RAD51B: variants seen among roughly 807,000 people sequenced by gnomAD.
RAD51B encodes DNA repair protein RAD51 homolog 2.
RAD51B carries 38 observed loss-of-function variants against 42.2 expected under a neutral mutation model. The ratio of observed to expected loss-of-function variants is 0.90; its 90% CI spans 0.70 to 1.18. The LOEUF (loss-of-function observed/expected upper bound fraction) is 1.18, where lower values mean the gene tolerates loss of function less well. Ranked by LOEUF, RAD51B falls within the 50% of genes most tolerant of loss-of-function variation. The pLI, the probability that RAD51B is intolerant of heterozygous loss-of-function variation, is 0.00. For missense variants in RAD51B, 373 were observed against 400.7 expected, an observed-to-expected ratio of 0.93 and a Z score of 0.59; for synonymous variants, 154 against 145.2, an observed-to-expected ratio of 1.06 and a Z score of -0.43.
At chr14:67,884,802 G>T (rs1381834006) in intron 5 of RAD51B, among the ~76,000 whole-genome samples, 1 of 151,540 alleles carries the variant, frequency 6.6e-6, no homozygotes, top group Non-Finnish European at 1.5e-5. Flanking sequence ...TTTTCAAATT[G>T]TTCAAAAATA....
rs191657794 is a variant in RAD51B at position 68,586,984 on chromosome 14, G to A, written c.1037-7501G>A. Reference sequence around the variant, plus strand: ...CACGCCATTGCAGTGAGCCGAGATCGCGCCATTGTACTCCAGCCAACAAGA... The same window carrying A: ...CACGCCATTGCAGTGAGCCGAGATCACGCCATTGTACTCCAGCCAACAAGA... On this transcript the variant is annotated intron_variant, in intron 10 of 10. Transcript: ENST00000487270. Among the ~76,000 whole-genome samples, 27 of 151,772 alleles carry A rather than the reference G, an allele frequency of 1.8e-4. No individual in the cohort carries two copies. In the South Asian group the frequency reaches 1.9e-3, roughly 11 times the overall value.
At chr14:68,279,581 C>T (rs974980135) in intron 7 of RAD51B, among the ~76,000 whole-genome samples, 1 of 152,184 alleles carries the variant, frequency 6.6e-6, no homozygotes, top group African/African-American at 2.4e-5. Flanking sequence ...TCTATCCTAG[C>T]TGAGTCTTTA....
At chr14:68,470,644 C>T in intron 10 of RAD51B, 1 of 486,492 alleles carries the variant, frequency 2.1e-6, no homozygotes, top group South Asian at 1.7e-5. Context: ...AGAGAGAAGA[C>T]AGAAGAAAGA....
At chr14:68,455,904 T>C (rs1330248924) in intron 9 of RAD51B, among the ~76,000 whole-genome samples, 3 of 151,938 alleles carry the variant, frequency 2.0e-5, no homozygotes, top group East Asian at 1.9e-4. Context: ...TGTATAAAGA[T>C]GTAATTTGTA....
intron 10 of RAD51B, chr14:68,468,508 C>G: frequency 4.0e-6 from 2 of 502,770 alleles, no homozygotes; most frequent in Middle Eastern, 5.7e-4. Flanking sequence ...ACATGAGGAT[C>G]AAACCAAGAA....
At chr14:68,328,466 C>A (rs2082287579) in intron 8 of RAD51B, among the ~76,000 whole-genome samples, 1 of 152,160 alleles carries the variant, frequency 6.6e-6, no homozygotes, top group South Asian at 2.1e-4. Context: ...ATTCCATACT[C>A]CATATAATGG....
chr14:68,633,949 C>G, intron 10 of RAD51B, among the ~76,000 whole-genome samples: 1 of 152,210 alleles, frequency 6.6e-6, no homozygotes, highest in East Asian at 1.9e-4. Context: ...TTGGGCCCAT[C>G]CAAAATGTGC....
At chr14:68,073,386 C>T (rs2076784399) in intron 7 of RAD51B, among the ~76,000 whole-genome samples, 1 of 152,166 alleles carries the variant, frequency 6.6e-6, no homozygotes, top group Non-Finnish European at 1.5e-5. Context: ...GATCTTTCTC[C>T]ATCCCTTTAC....
intron 8 of RAD51B, among the ~76,000 whole-genome samples, chr14:68,321,653 T>A (rs1258809270): frequency 6.6e-6 from 1 of 152,220 alleles, no homozygotes; most frequent in Non-Finnish European, 1.5e-5. Flanking sequence ...AACTCTGAGC[T>A]TCTGTTGCCC....
Position 68,215,593 on chromosome 14 carries a change from G to A in RAD51B, c.757-76291G>A, listed in dbSNP as rs1271080721. The stretch of plus-strand genomic sequence containing the variant: ...GTTGCCCAAGGTCATGCAGTATTAA[G>A]TAGAAGAACCAAAATTAGACCCAGG... On this transcript the variant is annotated intron_variant, in intron 7 of 10. Transcript: ENST00000471583. 2.6e-5 allele frequency among the ~76,000 whole-genome samples: 4 copies of A among 152,306 alleles called. No individual in the cohort carries two copies. The East Asian group carries it at 7.7e-4, about 29-fold the overall frequency.
At chr14:68,049,969 A>T (rs963609742) in intron 7 of RAD51B, among the ~76,000 whole-genome samples, 4 of 152,204 alleles carry the variant, frequency 2.6e-5, no homozygotes, top group African/African-American at 9.7e-5. Context: ...AGTGGTGTGA[A>T]TTTCAACTTG....
chr14:68,422,294 A>G (rs12590319), intron 9 of RAD51B: 454,993 of 633,302 alleles, frequency 0.72, 164,915 homozygotes, highest in East Asian at 0.93. Context: ...TGGGTGCGGC[A>G]GCTCACGCCT....
intron 8 of RAD51B, among the ~76,000 whole-genome samples, chr14:68,407,270 GT>G (rs1466498544): frequency 5.9e-5 from 9 of 152,114 alleles, no homozygotes; most frequent in African/African-American, 2.2e-4. Flanking sequence ...TACATAACTG[GT>G]TTTTGTATTT....
At chr14:67,940,585 T>C (rs1262565829) in intron 7 of RAD51B, among the ~76,000 whole-genome samples, 1 of 152,180 alleles carries the variant, frequency 6.6e-6, no homozygotes, top group Non-Finnish European at 1.5e-5. Context: ...TTCCATGTAC[T>C]CTGTCCAGAA....
chr14:68,077,166 G>GT (rs2076847205), intron 7 of RAD51B, among the ~76,000 whole-genome samples: 1 of 152,184 alleles, frequency 6.6e-6, no homozygotes, highest in Non-Finnish European at 1.5e-5. Flanking sequence ...GAGAGATGAA[G>GT]TAAGTCATGG....
rs569480869 is a variant in RAD51B at position 67,881,926 on chromosome 14, G to A, written c.453-3943G>A. The stretch of plus-strand genomic sequence containing the variant: ...TTTATCCAACCCAATAGCAGCATTC[G>A]AAAGAGTTGATCACTCACTTTTTCT... On this transcript the variant is annotated intron_variant, in intron 5 of 10. Transcript: ENST00000471583. Among the ~76,000 whole-genome samples the A allele has an allele frequency of 5.3e-5, 8 of 152,216 alleles. No individual in the cohort carries two copies. The East Asian group carries it at 1.4e-3, about 26-fold the overall frequency.
At chr14:68,623,407 G>C (rs1326626843) in intron 10 of RAD51B, among the ~76,000 whole-genome samples, 1 of 152,200 alleles carries the variant, frequency 6.6e-6, no homozygotes, top group South Asian at 2.1e-4. Flanking sequence ...TTTCCAAGAA[G>C]AGAAATGAGA....
intron 7 of RAD51B, among the ~76,000 whole-genome samples, chr14:68,144,588 C>T (rs2078211351): frequency 6.6e-6 from 1 of 152,132 alleles, no homozygotes; most frequent in Non-Finnish European, 1.5e-5. Flanking sequence ...ATGAGTTGTT[C>T]TCTGCTGCTC....
intron 7 of RAD51B, among the ~76,000 whole-genome samples, chr14:67,975,423 C>T (rs1245966342): frequency 1.3e-5 from 2 of 152,190 alleles, no homozygotes; most frequent in Non-Finnish European, 2.9e-5. Flanking sequence ...TTCCATAAAC[C>T]AGCCTTATCA....
Sources: gnomAD v4.1 joint callset for allele counts (sites outside exome capture counted in the v4.1 genomes callset) on GRCh38, gnomAD v4.1.1 for gene constraint, MANE v1.5 for transcripts, NCBI Gene and HGNC (gene_info 2026-07-23, HGNC 2026-07-21) for gene names.